The following IQCE variants were observed in gnomAD, a reference collection of about 807,000 sequenced individuals.
IQCE encodes IQ domain-containing protein E.
IQCE carries 115 observed loss-of-function variants against 96.0 expected under a neutral mutation model. That is an observed-to-expected ratio of 1.20 (90% confidence interval 1.03 to 1.40). The LOEUF is 1.40. Among genes scored for constraint, IQCE ranks in the 40% most tolerant of loss-of-function variants. The probability of loss-of-function intolerance (pLI) is 0.00; values close to 1 mark genes in which losing one functional copy is unlikely to be tolerated. For missense variants in IQCE, 1,041 were observed against 909.1 expected (o/e 1.15, Z -1.87); for synonymous variants, 412 against 371.2 (o/e 1.11, Z -1.26).
At chr7:2,595,347 C>T (rs1054659131) in intron 16 of IQCE, among the ~76,000 whole-genome samples, 1 of 152,100 alleles carries the variant, frequency 6.6e-6, no homozygotes, top group Non-Finnish European at 1.5e-5. Flanking sequence ...GGGCATGCGT[C>T]CTCTCCTCTC....
intron 21 of IQCE, among the ~76,000 whole-genome samples, 183 bp from the exon 22 acceptor site, chr7:2,609,861 G>C (rs556446876): frequency 3.3e-5 from 5 of 152,238 alleles, no homozygotes; most frequent in Admixed American, 6.5e-5. Flanking sequence ...TGAGGGCGGA[G>C]AGTGAGGCTT....
chr7:2,590,104 A>G lies in IQCE; in HGVS notation c.1242A>G (p.Arg414=). Residue 414 remains arginine, a splice_region_variant and synonymous_variant, in exon 14 of 22, where the codon AGA becomes AGG. Transcript: ENST00000402050. ...RTALQEQLLQ[R]DLEVKQLLQA... ...CGCTGCAGGAGCAGCTGCTGCAGAG[A>G]GAGTAGGTCCTCCCAAGGCCCCGCC... 6.2e-7 allele frequency: 1 copy of G among 1,609,930 alleles called. No homozygotes were observed. The highest frequency in any genetic ancestry group is 1.7e-4 in the Middle Eastern group (1 of 5,810).
chr7:2,608,989 T>C (rs1784994887), intron 21 of IQCE, among the ~76,000 whole-genome samples: 1 of 152,222 alleles, frequency 6.6e-6, no homozygotes, highest in African/African-American at 2.4e-5. Context: ...GCCATTTCCT[T>C]CCCTTTTTAA....
chr7:2,603,536 T>G (rs1172720004), intron 18 of IQCE, among the ~76,000 whole-genome samples: 2 of 152,222 alleles, frequency 1.3e-5, no homozygotes, highest in African/African-American at 4.8e-5. Context: ...GCAGTGAGGC[T>G]GCCTGTGTGG....
At chr7:2,601,394 C>T (rs750367769) in intron 17 of IQCE, 47 bp from the exon 18 acceptor site, 1 of 1,271,364 alleles carries the variant, frequency 7.9e-7, no homozygotes, top group Non-Finnish European at 1.1e-6. Flanking sequence ...CACATTCATC[C>T]TTCTCGTGTT....
chr7:2,573,085 G>A lies in IQCE; in HGVS notation c.395-333G>A, dbSNP rs188148476. Among the ~76,000 whole-genome samples the A allele has an allele frequency of 2.7e-3, 414 of 152,262 alleles. 3 individuals carry two copies. Among genetic ancestry groups the A allele is most frequent in the Non-Finnish European group, 2.5e-3 (173 of 68,014 alleles). On this transcript the variant is annotated intron_variant, in intron 5 of 21. Coordinates refer to ENST00000402050, the MANE Select transcript of IQCE (RefSeq NM_152558.5). ...GATGCTCTGTGCATTTTTTGTGTTT[G>A]GTATTTGTTTGTTTTGCTATTTAAA...
chr7:2,594,488 G>C (rs373100867), intron 15 of IQCE, among the ~76,000 whole-genome samples: 73 of 152,332 alleles, frequency 4.8e-4, no homozygotes, highest in African/African-American at 1.6e-3. Context: ...TCAAATGCTT[G>C]GGCTCAAGCG....
intron 1 of IQCE, among the ~76,000 whole-genome samples, chr7:2,560,441 C>T (rs1306931443): frequency 1.3e-5 from 2 of 152,194 alleles, no homozygotes; most frequent in African/African-American, 2.4e-5. Flanking sequence ...CCACAGGGTT[C>T]AGCACAGCTG....
intron 12 of IQCE, among the ~76,000 whole-genome samples, chr7:2,587,163 C>T (rs935890679): frequency 6.6e-6 from 1 of 152,002 alleles, no homozygotes; most frequent in Non-Finnish European, 1.5e-5. Context: ...GCTTTTTGTC[C>T]CAGCAGCTGA....
chr7:2,610,212 G>C lies in IQCE; in HGVS notation c.*50G>C, dbSNP rs756928576. Reference sequence around the variant, plus strand: ...TGATGGCAGCGCTGCCGAGGACATAGGAACCACGACTGGAAAGATAATTTA... The same window carrying C: ...TGATGGCAGCGCTGCCGAGGACATACGAACCACGACTGGAAAGATAATTTA... On this transcript the variant is annotated 3_prime_UTR_variant, in exon 22 of 22. Coordinates refer to ENST00000402050, the MANE Select transcript of IQCE (RefSeq NM_152558.5). The C allele has an allele frequency of 9.5e-7, 1 of 1,054,068 alleles. No individual in the cohort carries two copies. Among genetic ancestry groups the C allele is most frequent in the South Asian group, 1.3e-5 (1 of 79,646 alleles). 65.3% of individuals were successfully genotyped at this position (1,054,068 alleles called of 1,614,324 possible).
At chr7:2,579,391 G>A (rs973320293) in intron 8 of IQCE, among the ~76,000 whole-genome samples, 2 of 152,162 alleles carry the variant, frequency 1.3e-5, no homozygotes, top group African/African-American at 4.8e-5. Flanking sequence ...ATAATAAAAA[G>A]CCATGGGACT....
chr7:2,577,339 C>T (rs978116385), intron 6 of IQCE, among the ~76,000 whole-genome samples: 2 of 127,070 alleles, frequency 1.6e-5, no homozygotes, highest in East Asian at 2.0e-4. Context: ...TACACATTGG[C>T]GTGTGCGTGG....
intron 1 of IQCE, among the ~76,000 whole-genome samples, chr7:2,564,450 TTATC>T (rs1781210688): frequency 6.6e-6 from 1 of 151,668 alleles, no homozygotes; most frequent in Non-Finnish European, 1.5e-5. Context: ...AATACAACAA[TTATC>T]CGGGCGTGGT....
rs141767375 is a variant in IQCE, at chr7:2,593,091, C to T, written c.1314C>T (p.Gly438=). 1.4e-5 allele frequency: 23 copies of T among 1,612,022 alleles called. No homozygotes were observed. The highest frequency in any genetic ancestry group is 1.0e-4 in the Admixed American group (6 of 59,976). ...AGGAGCTGGAGTGCGCGAGGGAGGG[C>T]GAGGAGGAGAGGAGAGAGCGAGAGG... ...LEKELECARE[G]EEERREREEV... The change falls in exon 15 of 22, where the codon GGC becomes GGT. Residue 438 remains glycine (G), a synonymous_variant. Transcript: ENST00000402050.
chr7:2,606,946 G>A (rs957513236), intron 20 of IQCE, among the ~76,000 whole-genome samples, 178 bp from the exon 21 acceptor site: 3 of 152,158 alleles, frequency 2.0e-5, no homozygotes, highest in East Asian at 1.9e-4. Context: ...ACCGCCGGAC[G>A]TTTCTGGACC....
chr7:2,573,998 A>G (rs887762578), intron 6 of IQCE, among the ~76,000 whole-genome samples: 2 of 152,178 alleles, frequency 1.3e-5, no homozygotes, highest in Admixed American at 1.3e-4. Context: ...CCAGTAGCAG[A>G]ACCAAGATTC....
At position 2,612,881 on chromosome 7, in the gene IQCE, A is replaced by G. The variant is rs1445086785; in HGVS notation, c.*2719A>G. On this transcript the variant is annotated 3_prime_UTR_variant, in exon 22 of 22. Transcript: ENST00000402050. ...GCTGGCAGGGCCTAGGAAAGTAGAC[A>G]ACTCCCGGGGGAGACGAAGTAGAGA... 1.3e-5 allele frequency: 2 copies of G among 152,226 alleles called. No homozygotes were observed. The highest frequency in any genetic ancestry group is 2.9e-5 in the Non-Finnish European group (2 of 68,062). The allele number at this position is 152,226 out of a possible 1,614,324, so 9.4% of individuals were successfully genotyped here.
chr7:2,577,033 GTCTA>G (rs1241676823), intron 6 of IQCE, among the ~76,000 whole-genome samples: 2 of 152,152 alleles, frequency 1.3e-5, no homozygotes, highest in Non-Finnish European at 2.9e-5. Context: ...GGGACTTCCT[GTCTA>G]TCCAGCCTTC....
chr7:2,595,128 C>T (rs535760795), intron 16 of IQCE, 152 bp downstream of exon 16: 64 of 632,966 alleles, frequency 1.0e-4, no homozygotes, highest in South Asian at 1.7e-4. Context: ...TAACTCATGT[C>T]GTGTGTATCG....
Sources: allele counts gnomAD v4.1 joint callset (sites outside exome capture counted in the v4.1 genomes callset), GRCh38; gene constraint gnomAD v4.1.1; transcripts MANE v1.5; gene names NCBI Gene and HGNC (gene_info 2026-07-23, HGNC 2026-07-21).